The following AKNA variants were observed in gnomAD, a reference collection of about 807,000 sequenced individuals.
AKNA encodes the protein microtubule organization protein AKNA.
Under a neutral mutation model 138.8 loss-of-function variants are expected in AKNA, and 67 were observed. The ratio of observed to expected loss-of-function variants is 0.48; its 90% CI spans 0.40 to 0.59. The LOEUF is 0.59. AKNA is among the 20% of genes least tolerant of loss of function. AKNA has a pLI of 0.00. For synonymous variants in AKNA, 737 were observed against 754.4 expected (o/e 0.98, Z 0.38); for missense variants, 1,813 against 1,880.4 (o/e 0.96, Z 0.66).
chr9:114,336,942 C>G lies in AKNA; in HGVS notation c.*112G>C. ...GGGACCTGTGCTGGAGGGAGACCCT[C>G]CTGGTGAGGAACTATGCGGGCCTTC... On this transcript the variant is annotated 3_prime_UTR_variant, in exon 22 of 22. Coordinates refer to ENST00000374088, the MANE Select transcript of AKNA (RefSeq NM_001317950.2). 2 of 1,340,248 alleles carry G rather than the reference C, an allele frequency of 1.5e-6. No homozygotes were observed. The highest frequency in any genetic ancestry group is 3.2e-5 in the South Asian group (2 of 62,662). 83.0% of individuals were successfully genotyped at this position (1,340,248 alleles called of 1,614,324 possible).
intron 4 of AKNA, among the ~76,000 whole-genome samples, chr9:114,371,988 A>T (rs1748874963): frequency 6.6e-6 from 1 of 152,054 alleles, no homozygotes; most frequent in Admixed American, 6.5e-5. Context: ...AGCCCCATGG[A>T]CCCAGAGTGA....
At chr9:114,344,097 C>T in intron 18 of AKNA, 1 of 279,750 alleles carries the variant, frequency 3.6e-6, no homozygotes, top group Non-Finnish European at 6.8e-6. Flanking sequence ...AGCTGACATC[C>T]AGTAGCAACC....
At chr9:114,369,059 T>C (rs1029888632) in intron 4 of AKNA, among the ~76,000 whole-genome samples, 2 of 152,252 alleles carry the variant, frequency 1.3e-5, no homozygotes, top group African/African-American at 2.4e-5. Flanking sequence ...ATAATTATTA[T>C]ACTGATAATA....
chr9:114,381,428 C>T lies in AKNA; in HGVS notation c.-95G>A, dbSNP rs573662668. The T allele has an allele frequency of 1.1e-4, 158 of 1,438,522 alleles. No individual in the cohort carries two copies. Among genetic ancestry groups the T allele is most frequent in the Non-Finnish European group, 1.4e-4 (149 of 1,100,100 alleles). The allele number at this position is 1,438,522 out of a possible 1,614,324, so 89.1% of individuals were successfully genotyped here. A position where few individuals can be genotyped will look rare whatever the true frequency, so the allele number is the denominator to read the frequency against. On this transcript the variant is annotated 5_prime_UTR_variant, in exon 2 of 22. Coordinates refer to ENST00000374088, the MANE Select transcript of AKNA (RefSeq NM_001317950.2). ...AGTCACCGCTGGTTCCTGTCAGCATCGGCCATCCTGCCTGTGCCCTGTCAG... is the reference window on the plus strand; with the variant it reads ...AGTCACCGCTGGTTCCTGTCAGCATTGGCCATCCTGCCTGTGCCCTGTCAG...
chr9:114,341,477 A>G, intron 21 of AKNA, 56 bp downstream of exon 21: 1 of 1,604,380 alleles, frequency 6.2e-7, no homozygotes, highest in East Asian at 2.2e-5. Context: ...TCTGAATGCT[A>G]ACATATTCAG....
intron 2 of AKNA, among the ~76,000 whole-genome samples, chr9:114,379,451 G>C (rs992552448): frequency 2.0e-5 from 3 of 152,216 alleles, no homozygotes; most frequent in Non-Finnish European, 4.4e-5. Context: ...TCGACCCAGT[G>C]CATCTCAGTC....
chr9:114,387,184 C>A (rs185988610), intron 1 of AKNA, among the ~76,000 whole-genome samples: 3 of 152,174 alleles, frequency 2.0e-5, no homozygotes, highest in Admixed American at 2.0e-4. Flanking sequence ...ATACCCCCAC[C>A]CACCTGCTGG....
In AKNA at chr9:114,381,466, GA is replaced by G; in HGVS notation, c.-113-21del. ...TGTGCCCTGTCAGGGACACATTCAA[GA>G]GAGAACATTAATCAATCCTGATCCC... On this transcript the variant is annotated intron_variant, in intron 1 of 21. Coordinates refer to ENST00000374088, the MANE Select transcript of AKNA (RefSeq NM_001317950.2). The G allele has an allele frequency of 7.1e-7, 1 of 1,416,770 alleles. No homozygotes were observed. The highest frequency in any genetic ancestry group is 3.1e-5 in the Admixed American group (1 of 32,604). 87.8% of individuals were successfully genotyped at this position (1,416,770 alleles called of 1,614,324 possible).
chr9:114,330,966 A>G, downstream of AKNA: 1 of 883,074 alleles, frequency 1.1e-6, no homozygotes, highest in Non-Finnish European at 1.8e-6. Context: ...GCACAGAGAA[A>G]TAACCACTAA....
At chr9:114,341,402 G>T in intron 21 of AKNA, 131 bp downstream of exon 21, 1 of 1,150,456 alleles carries the variant, frequency 8.7e-7, no homozygotes, top group Non-Finnish European at 1.3e-6. Context: ...GGCTCCTACT[G>T]CATGTTATCC....
At chr9:114,374,050 C>T (rs41278659) in intron 4 of AKNA, 43 bp downstream of exon 4, 22,192 of 1,543,366 alleles carry the variant, frequency 0.014, 213 homozygotes, top group Non-Finnish European at 0.017. Context: ...GTCACCTCCT[C>T]GGGGACTTGG....
At chr9:114,394,745 G>T (rs1351318044), upstream of AKNA, among the ~76,000 whole-genome samples, 1 of 152,214 alleles carries the variant, frequency 6.6e-6, no homozygotes, top group Non-Finnish European at 1.5e-5. Context: ...GCATGTTAAG[G>T]CACAGTTGGG....
chr9:114,339,549 C>T (rs1375817861), intron 21 of AKNA, among the ~76,000 whole-genome samples: 1 of 152,208 alleles, frequency 6.6e-6, no homozygotes, highest in African/African-American at 2.4e-5. Context: ...GAAACAGCAA[C>T]CTGGTGAGTT....
At chr9:114,383,016 C>G in intron 1 of AKNA, 2 of 394,426 alleles carry the variant, frequency 5.1e-6, no homozygotes, top group Non-Finnish European at 1.0e-5. Flanking sequence ...AAACGCCTTC[C>G]GAGTGAGGAG....
In AKNA at chr9:114,347,366, C is replaced by T. The variant is rs531016566; in HGVS notation, c.3398+358G>A. Among the ~76,000 whole-genome samples, 8 of 152,184 alleles carry T rather than the reference C, an allele frequency of 5.3e-5. No individual in the cohort carries two copies. The South Asian group carries it at 1.7e-3, about 32-fold the overall frequency. ...TCCTGAGTAGCTGGGATTACAGGCG[C>T]ACACCACCACGCCCAGCTAATTTTT... is the stretch of plus-strand genomic sequence containing the variant. On this transcript the variant is annotated intron_variant, in intron 16 of 21. Transcript: ENST00000374088.
chr9:114,331,690 A>C (rs555323089), downstream of AKNA: 149 of 1,607,836 alleles, frequency 9.3e-5, 1 homozygote, highest in South Asian at 1.6e-3. Context: ...CATGCTTAGC[A>C]GCCCCAAACT....
chr9:114,331,574 C>A, downstream of AKNA: 1 of 1,613,250 alleles, frequency 6.2e-7, no homozygotes, highest in Non-Finnish European at 8.5e-7. Context: ...CAGAGGGAGG[C>A]CGAGAACATG....
chr9:114,359,253 G>C (rs139346032), intron 11 of AKNA: 1 of 323,548 alleles, frequency 3.1e-6, no homozygotes, highest in African/African-American at 2.2e-5. Flanking sequence ...ATTTCTTGTT[G>C]AGATGGGGCT....
At chr9:114,372,539 AAACGAGTGCAGGAGGAAGG>A in intron 4 of AKNA, among the ~76,000 whole-genome samples, 1 of 152,244 alleles carries the variant, frequency 6.6e-6, no homozygotes, top group East Asian at 1.9e-4. Context: ...TCATGCCCTT[AAACGAGTGCAGGAGGAAGG>A]AAGGGAGGAG....
Sources: allele counts gnomAD v4.1 joint callset (sites outside exome capture counted in the v4.1 genomes callset), GRCh38; gene constraint gnomAD v4.1.1; transcripts MANE v1.5; gene names NCBI Gene and HGNC (gene_info 2026-07-23, HGNC 2026-07-21).